Variants in SBK3 observed in about 807,000 individuals in gnomAD.
The protein encoded by SBK3 is SH3 domain binding kinase family member 3.
In SBK3, 16 loss-of-function variants were observed where a neutral mutation model predicts 12.7. The observed-to-expected ratio is 1.26, with a 90% CI of 0.86 to 1.92. SBK3 has a LOEUF of 1.92. SBK3 is among the 40% of genes most tolerant of loss of function. The pLI is 0.00. For synonymous variants in SBK3, 217 were observed against 213.6 expected (o/e 1.02, Z -0.14); for missense variants, 462 against 481.8 (o/e 0.96, Z 0.38).
chr19:55,543,643 A>G (rs1988610657), intron 3 of SBK3, among the ~76,000 whole-genome samples: 1 of 151,970 alleles, frequency 6.6e-6, no homozygotes, highest in Non-Finnish European at 1.5e-5. Context: ...AAACCCCATT[A>G]TAGCCCATCT....
rs1420247890 is a variant in SBK3, at chr19:55,541,958, TCAAA to T, written c.400-436_400-433del. Among the ~76,000 whole-genome samples the T allele has an allele frequency of 1.8e-4, 28 of 152,306 alleles. No individual in the cohort carries two copies. The highest frequency in any genetic ancestry group is 6.5e-4 in the African/African-American group (27 of 41,554). Reference sequence around the variant, plus strand: ...AGCTTCTTTCAAAGATTCTCCTAACTCAAACACTCAGGCCCACTGTGAACATTTC... The same window carrying T: ...AGCTTCTTTCAAAGATTCTCCTAACTCACTCAGGCCCACTGTGAACATTTC... On this transcript the variant is annotated intron_variant, in intron 3 of 3. Transcript: ENST00000612221. This position sits in a 1 kb window ranked among gnomAD's most constrained non-coding sequence, Gnocchi z 5.3.
rs916125740 is a variant in SBK3 at position 55,542,788 on chromosome 19, C to T, written c.400-1262G>A. 7.3e-5 allele frequency among the ~76,000 whole-genome samples: 11 copies of T among 149,666 alleles called. No individual in the cohort carries two copies. The South Asian group carries it at 2.2e-3, about 29-fold the overall frequency. ...TTCATCCATCCATCCACCCATCCAT[C>T]CACCCACCAATCCTTCCTTCTATCG... On this transcript the variant is annotated intron_variant, in intron 3 of 3. Coordinates refer to ENST00000612221, the MANE Select transcript of SBK3 (RefSeq NM_001199824.2).
In SBK3 at chr19:55,541,075, T is replaced by C. The variant is rs1465987775; in HGVS notation, c.851A>G (p.Gln284Arg). The C allele has an allele frequency of 2.2e-5, 34 of 1,535,938 alleles. No homozygotes were observed. The highest frequency in any genetic ancestry group is 2.9e-5 in the Non-Finnish European group (33 of 1,146,854). Residue 284 changes from glutamine to arginine, a missense_variant, in exon 4 of 4, where the codon CAG becomes CGG. By Grantham distance (43) the Gln-to-Arg change is conservative (BLOSUM62 1). Coordinates refer to ENST00000612221, the MANE Select transcript of SBK3 (RefSeq NM_001199824.2). The surrounding 1 kb of genome is among the most constrained non-coding windows in gnomAD (Gnocchi z 5.3). Reference sequence around the variant, plus strand: ...CTCGGGATCCAGGTCCAGAAGCCCCTGGAGCAAGGCCAGGGCTGGGGGCGC... The same window carrying C: ...CTCGGGATCCAGGTCCAGAAGCCCCCGGAGCAAGGCCAGGGCTGGGGGCGC... The part of the protein sequence containing the change: ...QFAPPALALL[Q>R]GLLDLDPETR...
intron 2 of SBK3, among the ~76,000 whole-genome samples, 151 bp from the exon 3 acceptor site, chr19:55,544,453 T>C (rs1215733457): frequency 1.3e-5 from 2 of 151,996 alleles, no homozygotes; most frequent in Non-Finnish European, 2.9e-5. Flanking sequence ...GAGACCTTCT[T>C]TGAAGACCCT....
rs1230456746 is a variant in SBK3, at chr19:55,541,529, G to A, written c.400-3C>T. 2 of 1,504,952 alleles carry A rather than the reference G, an allele frequency of 1.3e-6. No homozygotes were observed. The highest frequency in any genetic ancestry group is 1.2e-5 in the South Asian group (1 of 80,226). The allele number at this position is 1,504,952 out of a possible 1,614,324, so 93.2% of individuals were successfully genotyped here. A position where few individuals can be genotyped will look rare whatever the true frequency, so the allele number is the denominator to read the frequency against. ...TTCACCAGCAGTTCTGGGAGGCCCT[G>A]AGGTCAAGAAGACAGGAGGAGGGTC... is the stretch of plus-strand genomic sequence containing the variant. On this transcript the variant is annotated splice_polypyrimidine_tract_variant and splice_region_variant and intron_variant, in intron 3 of 3. Coordinates refer to ENST00000612221, the MANE Select transcript of SBK3 (RefSeq NM_001199824.2). This position sits in a 1 kb window ranked among gnomAD's most constrained non-coding sequence, Gnocchi z 5.3.
rs1988648173 is a variant in SBK3, at chr19:55,545,177, TG to T, written c.46-229del. The T allele has an allele frequency of 1.7e-6, 1 of 579,100 alleles. No homozygotes were observed. Among genetic ancestry groups the T allele is most frequent in the African/African-American group, 1.9e-5 (1 of 52,970 alleles). The allele number at this position is 579,100 out of a possible 1,614,324, so 35.9% of individuals were successfully genotyped here. A position where few individuals can be genotyped will look rare whatever the true frequency, so the allele number is the denominator to read the frequency against. On this transcript the variant is annotated intron_variant, in intron 1 of 3. Coordinates refer to ENST00000612221, the MANE Select transcript of SBK3 (RefSeq NM_001199824.2). This position sits in a 1 kb window ranked among gnomAD's most constrained non-coding sequence, Gnocchi z 4.4. ...CACAGAGGCCCCGCCTGCCCCTGTC[TG>T]TGGGAGCAGGCCAGGAGCCCCCAGC...
Position 55,545,444 on chromosome 19 carries a change from CCT to C in SBK3, c.45+53_45+54del, listed in dbSNP as rs752173621. 7.3e-7 allele frequency: 1 copy of C among 1,373,106 alleles called. No homozygotes were observed. The highest frequency in any genetic ancestry group is 2.1e-5 in the Admixed American group (1 of 48,572). The allele number at this position is 1,373,106 out of a possible 1,614,324, so 85.1% of individuals were successfully genotyped here. On this transcript the variant is annotated intron_variant, in intron 1 of 3. Transcript: ENST00000612221. This position sits in a 1 kb window ranked among gnomAD's most constrained non-coding sequence, Gnocchi z 4.4. Reference sequence around the variant, plus strand: ...CTCTCTCTCCCCGTGTTGCCTCCTGCCTCTCTCTCCTTCTTTTCTCTCTCTGT... The same window carrying C: ...CTCTCTCTCCCCGTGTTGCCTCCTGCCTCTCTCCTTCTTTTCTCTCTCTGT...
rs1236017431 is a variant in SBK3 at position 55,541,551 on chromosome 19, G to C, written c.400-25C>G. The C allele has an allele frequency of 6.8e-7, 1 of 1,469,362 alleles. No homozygotes were observed. The highest frequency in any genetic ancestry group is 1.4e-5 in the African/African-American group (1 of 71,256). 91.0% of individuals were successfully genotyped at this position (1,469,362 alleles called of 1,614,324 possible). A position where few individuals can be genotyped will look rare whatever the true frequency, so the allele number is the denominator to read the frequency against. Reference sequence around the variant, plus strand: ...CCTGAGGTCAAGAAGACAGGAGGAGGGTCAGAGTGTCTTGGTTTTGTCTTT... The same window carrying C: ...CCTGAGGTCAAGAAGACAGGAGGAGCGTCAGAGTGTCTTGGTTTTGTCTTT... On this transcript the variant is annotated intron_variant, in intron 3 of 3. Transcript: ENST00000612221. This position sits in a 1 kb window ranked among gnomAD's most constrained non-coding sequence, Gnocchi z 5.3.
In SBK3 at chr19:55,540,870, C is replaced by T. The variant is rs1005087489; in HGVS notation, c.1056G>A (p.Thr352=). The change falls in exon 4 of 4, where the codon ACG becomes ACA. Residue 352 remains threonine, a synonymous_variant. Transcript: ENST00000612221. ...GTCAGGGAGCTCCCCCATCTGTCCC[C>T]GTCCTCCCACCACTTTTGCTGTCAT... ...EGDDSKSGGR[T]GTDGGAP 2.0e-5 allele frequency: 31 copies of T among 1,536,102 alleles called. No individual in the cohort carries two copies. Among genetic ancestry groups the T allele is most frequent in the Admixed American group, 5.9e-5 (3 of 51,000 alleles).
At chr19:55,543,211 TCCATCCATCCACCCAC>T (rs1200935885) in intron 3 of SBK3, among the ~76,000 whole-genome samples, 1 of 78,194 alleles carries the variant, frequency 1.3e-5, no homozygotes, top group African/African-American at 5.2e-5. Context: ...CCATCCACCA[TCCATCCATCCACCCAC>T]CCATCCATCC....
rs1988621789 is a variant in SBK3, at chr19:55,544,190, G to A, written c.309C>T (p.Thr103=). The part of the protein sequence containing the change: ...CVSAHPGLLQ[T]LAGPLQTPRY... ...GGGGGGTCTGTAGGGGTCCTGCCAG[G>A]GTCTGCAGCAGGCCTGGGTGTGCAG... The change falls in exon 3 of 4, where the codon ACC becomes ACT. Residue 103 remains threonine (T), a synonymous_variant. Transcript: ENST00000612221. The A allele has an allele frequency of 6.5e-7, 1 of 1,535,988 alleles. No homozygotes were observed.
intron 2 of SBK3, 92 bp downstream of exon 2, chr19:55,544,707 G>A (rs1988633437): frequency 7.8e-7 from 1 of 1,275,088 alleles, no homozygotes; most frequent in Non-Finnish European, 1.0e-6. Context: ...GTCCCCATCA[G>A]CTCCTCCTGG....
chr19:55,541,118 G>A lies in SBK3; in HGVS notation c.808C>T (p.Pro270Ser). The change falls in exon 4 of 4, where the codon CCA becomes TCA. Residue 270 changes from proline to serine, a missense_variant. Coordinates refer to ENST00000612221, the MANE Select transcript of SBK3 (RefSeq NM_001199824.2). The surrounding 1 kb of genome is among the most constrained non-coding windows in gnomAD (Gnocchi z 5.3). ...TTKPQPPQPP[P>S]PWDQFAPPAL... The stretch of plus-strand genomic sequence containing the variant: ...GGGGGCGCAAACTGGTCCCAGGGTG[G>A]TGGTGGCTGAGGTGGCTGAGGCTTG... 1 of 1,535,824 alleles carries A rather than the reference G, an allele frequency of 6.5e-7. No individual in the cohort carries two copies. Among genetic ancestry groups the A allele is most frequent in the South Asian group, 1.2e-5 (1 of 84,038 alleles).
At position 55,540,903 on chromosome 19, in the gene SBK3, A is replaced by G. The variant is rs545358153; in HGVS notation, c.1023T>C (p.Asp341=). The G allele has an allele frequency of 1.5e-4, 234 of 1,536,014 alleles. 1 individual carries two copies. The highest frequency in any genetic ancestry group is 3.3e-4 in the Middle Eastern group (2 of 5,990). The part of the protein sequence containing the change: ...EGGSSLEEWT[D]EGDDSKSGGR... ...CACCACTTTTGCTGTCATCACCCTC[A>G]TCTGTCCACTCCTCCAGGCTTGAGC... Residue 341 remains aspartate (D), a synonymous_variant, in exon 4 of 4, where the codon GAT becomes GAC. Transcript: ENST00000612221.
intron 3 of SBK3, 86 bp downstream of exon 3, chr19:55,544,014 G>A (rs1033877886): frequency 1.7e-6 from 2 of 1,174,190 alleles, no homozygotes; most frequent in African/African-American, 3.1e-5. Flanking sequence ...CCCTGATTTG[G>A]GGTCAGAGTT....
At position 55,544,802 on chromosome 19, in the gene SBK3, C is replaced by A. The variant is rs969201641; in HGVS notation, c.193G>T (p.Gly65Trp). The change falls in exon 2 of 4, where the codon GGG becomes TGG. Residue 65 changes from glycine to tryptophan, a missense_variant. Transcript: ENST00000612221. ...GCCCTTGGGTGGCTGAACTCACCCC[C>A]CTGGTGAGGCTGGGCAAGGAGCACG... ...GRVLLAQPHQGGPAVALKLLR... is the reference protein window; with the variant it reads ...GRVLLAQPHQWGPAVALKLLR... 4 of 1,506,894 alleles carry A rather than the reference C, an allele frequency of 2.7e-6. No individual in the cohort carries two copies. The highest frequency in any genetic ancestry group is 1.8e-6 in the Non-Finnish European group (2 of 1,132,942). 93.3% of individuals were successfully genotyped at this position (1,506,894 alleles called of 1,614,324 possible). A position where few individuals can be genotyped will look rare whatever the true frequency, so the allele number is the denominator to read the frequency against.
chr19:55,541,002 C>A lies in SBK3; in HGVS notation c.924G>T (p.Trp308Cys). Reference sequence around the variant, plus strand: ...GTCCCTCTCTGTTCCCTTGCAACCCCCAGTCGTCCCCCAGGAAGTCCAGGA... The same window carrying A: ...GTCCCTCTCTGTTCCCTTGCAACCCACAGTCGTCCCCCAGGAAGTCCAGGA... ...LAVLDFLGDDWGLQGNREGPG... is the reference protein window; with the variant it reads ...LAVLDFLGDDCGLQGNREGPG... The change falls in exon 4 of 4, where the codon TGG becomes TGT. Residue 308 changes from tryptophan to cysteine, a missense_variant. By Grantham distance (215) the Trp-to-Cys change is radical. Transcript: ENST00000612221. The surrounding 1 kb of genome is among the most constrained non-coding windows in gnomAD (Gnocchi z 5.3). 2.0e-6 allele frequency: 3 copies of A among 1,536,006 alleles called. No homozygotes were observed. The South Asian group carries it at 3.6e-5, about 18-fold the overall frequency.
chr19:55,544,564 T>C (rs1435656223), intron 2 of SBK3, among the ~76,000 whole-genome samples: 1 of 152,050 alleles, frequency 6.6e-6, no homozygotes, highest in Non-Finnish European at 1.5e-5. Context: ...GGTGGTGACT[T>C]GGGTTCCAAC....
In SBK3 at chr19:55,540,785, C is replaced by T. The variant is rs1988541528; in HGVS notation, c.*61G>A. 7.2e-7 allele frequency: 1 copy of T among 1,392,172 alleles called. No individual in the cohort carries two copies. Among genetic ancestry groups the T allele is most frequent in the African/African-American group, 1.4e-5 (1 of 70,348 alleles). The allele number at this position is 1,392,172 out of a possible 1,614,324, so 86.2% of individuals were successfully genotyped here. ...TGCAGCTGTCTCTCCATCCAGGTGG[C>T]CCTGGGGGCTGGGGGAAGGGCCTCT... On this transcript the variant is annotated 3_prime_UTR_variant, in exon 4 of 4. Transcript: ENST00000612221.
Sources: allele counts gnomAD v4.1 joint callset (sites outside exome capture counted in the v4.1 genomes callset), GRCh38; gene constraint gnomAD v4.1.1; non-coding constraint Gnocchi (gnomAD v3.1); transcripts MANE v1.5; gene names NCBI Gene and HGNC (gene_info 2026-07-23, HGNC 2026-07-21).